The following FHAD1 variants were observed in gnomAD, a reference collection of about 807,000 sequenced individuals.
The protein encoded by FHAD1 is forkhead-associated domain-containing protein 1.
Under a neutral mutation model 191.3 loss-of-function variants are expected in FHAD1, and 146 were observed. That is an observed-to-expected ratio of 0.76 (90% CI 0.67 to 0.88). FHAD1 has a LOEUF of 0.88. FHAD1 is among the 40% of genes least tolerant of loss of function. FHAD1 has a pLI of 0.00. For missense variants in FHAD1, 1,635 were observed against 1,785.8 expected, an observed-to-expected ratio of 0.92 and a Z score of 1.52; for synonymous variants, 616 against 672.3, an observed-to-expected ratio of 0.92 and a Z score of 1.29.
chr1:15,392,123 AAC>A (rs1205827340), intron 33 of FHAD1, among the ~76,000 whole-genome samples: 2 of 152,210 alleles, frequency 1.3e-5, no homozygotes, highest in African/African-American at 4.8e-5. Context: ...TTCGCCTAAG[AAC>A]AGAGTGATCT....
chr1:15,246,282 C>T (rs538594026), upstream of FHAD1, among the ~76,000 whole-genome samples: 6 of 152,284 alleles, frequency 3.9e-5, no homozygotes, highest in East Asian at 9.6e-4. Flanking sequence ...TCTTCCAACA[C>T]GTGGGGAGTG....
downstream of FHAD1, among the ~76,000 whole-genome samples, chr1:15,398,884 G>A (rs562633113): frequency 1.8e-4 from 27 of 151,052 alleles, no homozygotes; most frequent in South Asian, 1.3e-3. Flanking sequence ...GCAATGGCGC[G>A]ATCTCTGCTC....
At chr1:15,393,059 C>CA (rs1704633280) in intron 33 of FHAD1, 1 of 144,398 alleles carries the variant, frequency 6.9e-6, no homozygotes, top group African/African-American at 2.6e-5. Context: ...CCCGAGGGGG[C>CA]AAAAATTCAT....
intron 16 of FHAD1, among the ~76,000 whole-genome samples, chr1:15,342,261 C>T (rs1687013340): frequency 6.6e-6 from 1 of 152,166 alleles, no homozygotes; most frequent in African/African-American, 2.4e-5. Flanking sequence ...CTTTTGCTTT[C>T]TCTTTATACA....
chr1:15,334,565 A>G (rs1394115470), intron 14 of FHAD1: 1 of 152,172 alleles, frequency 6.6e-6, no homozygotes, highest in Non-Finnish European at 1.5e-5. Flanking sequence ...CTGCGCCTCC[A>G]TTTACTTGCT....
chr1:15,359,099 G>A (rs1693798076), intron 21 of FHAD1, among the ~76,000 whole-genome samples: 1 of 152,108 alleles, frequency 6.6e-6, no homozygotes, highest in South Asian at 2.1e-4. Flanking sequence ...GATGGCATAG[G>A]GACGACATAA....
chr1:15,261,354 G>A (rs1650959197), intron 2 of FHAD1, among the ~76,000 whole-genome samples: 1 of 152,158 alleles, frequency 6.6e-6, no homozygotes, highest in Non-Finnish European at 1.5e-5. Flanking sequence ...TTCAGGAAAA[G>A]AGGACTTCCG....
chr1:15,303,848 CAA>C (rs765601462), intron 6 of FHAD1, among the ~76,000 whole-genome samples: 33 of 104,330 alleles, frequency 3.2e-4, no homozygotes, highest in Middle Eastern at 6.0e-3. Flanking sequence ...GACTCTGTCT[CAA>C]AAAAAAAAAA....
At chr1:15,397,132 A>G (rs1169227672) in intron 33 of FHAD1, among the ~76,000 whole-genome samples, 165 bp from the exon 34 acceptor site, 1 of 151,376 alleles carries the variant, frequency 6.6e-6, no homozygotes, top group Non-Finnish European at 1.5e-5. Context: ...CGGAGCTTGC[A>G]GTGAGCCGAG....
Position 15,369,517 on chromosome 1 carries a change from C to T in FHAD1, c.3447+15C>T, listed in dbSNP as rs1442350354. Reference sequence around the variant, plus strand: ...GCAGCCAAGAGGTGAGTGCCACCCACTCCTGGGTACTGGAAGGATGTGCAA... The same window carrying T: ...GCAGCCAAGAGGTGAGTGCCACCCATTCCTGGGTACTGGAAGGATGTGCAA... On this transcript the variant is annotated intron_variant, in intron 26 of 33. Coordinates refer to ENST00000688493, the MANE Select transcript of FHAD1 (RefSeq NM_001391957.1). The T allele has an allele frequency of 6.4e-7, 1 of 1,551,588 alleles. No individual in the cohort carries two copies. Among genetic ancestry groups the T allele is most frequent in the Non-Finnish European group, 8.7e-7 (1 of 1,146,916 alleles).
chr1:15,333,824 CTTTTTTT>C (rs55698715), intron 14 of FHAD1, among the ~76,000 whole-genome samples: 34 of 64,804 alleles, frequency 5.2e-4, no homozygotes, highest in African/African-American at 1.7e-3. Flanking sequence ...TTTTATTTAT[CTTTTTTT>C]TTTTTTTTTT....
intron 28 of FHAD1, among the ~76,000 whole-genome samples, chr1:15,377,160 G>T (rs936792375): frequency 2.0e-5 from 3 of 152,228 alleles, no homozygotes; most frequent in Non-Finnish European, 4.4e-5. Context: ...GCCGCAGCTG[G>T]ATCCACACCA....
chr1:15,356,725 A>T (rs1170126614), intron 20 of FHAD1, among the ~76,000 whole-genome samples: 1 of 152,018 alleles, frequency 6.6e-6, no homozygotes, highest in Non-Finnish European at 1.5e-5. Context: ...TACAAAAATT[A>T]GCCGGGCGTG....
At chr1:15,267,277 C>T (rs1653945686) in intron 2 of FHAD1, among the ~76,000 whole-genome samples, 1 of 152,146 alleles carries the variant, frequency 6.6e-6, no homozygotes, top group African/African-American at 2.4e-5. Flanking sequence ...AACGCCAAAT[C>T]AGTTCTTGAA....
intron 10 of FHAD1, among the ~76,000 whole-genome samples, chr1:15,319,953 T>C (rs1675720709): frequency 6.6e-6 from 1 of 152,226 alleles, no homozygotes; most frequent in Admixed American, 6.5e-5. Context: ...TTTTAAATAG[T>C]TGTAGTCATG....
Position 15,301,226 on chromosome 1 carries a change from G to A in FHAD1, c.700G>A (p.Gly234Arg). The change falls in exon 6 of 34, where the codon GGA (glycine) becomes AGA (arginine). Residue 234 changes from glycine (G) to arginine (R), a missense_variant. Physicochemically the swap from Gly to Arg is moderately radical, Grantham distance 125. Transcript: ENST00000688493. ...CCAGGATGAAATAATTCTGCTGCTGGGAAAAGAGGTCAGCCGTCTCTCAGA... is the reference window on the plus strand; with the variant it reads ...CCAGGATGAAATAATTCTGCTGCTGAGAAAAGAGGTCAGCCGTCTCTCAGA... ...QDKDEIILLL[G>R]KEVSRLSDYE... 1.3e-6 allele frequency: 2 copies of A among 1,551,652 alleles called. No individual in the cohort carries two copies. Among genetic ancestry groups the A allele is most frequent in the South Asian group, 1.2e-5 (1 of 84,052 alleles).
intron 4 of FHAD1, among the ~76,000 whole-genome samples, chr1:15,293,074 C>T (rs184500022): frequency 4.6e-4 from 70 of 152,302 alleles, no homozygotes; most frequent in African/African-American, 1.7e-3. Context: ...GGCATGAATA[C>T]AGGGACAAGA....
chr1:15,308,775 G>A lies in FHAD1; in HGVS notation c.1039+39G>A, dbSNP rs79547319. On this transcript the variant is annotated intron_variant, in intron 7 of 33. Transcript: ENST00000688493. ...GTCGGGCCTGGGAGCTGCCACTCCC[G>A]CACCCGTTGTTCTTGGCCACAGCAG... 1,675 of 1,549,828 alleles carry A rather than the reference G, an allele frequency of 1.1e-3. 22 individuals carry two copies. The African/African-American group carries it at 0.019, about 18-fold the overall frequency.
chr1:15,292,352 G>C (rs1391753072), intron 4 of FHAD1, among the ~76,000 whole-genome samples: 1 of 151,528 alleles, frequency 6.6e-6, no homozygotes, highest in African/African-American at 2.4e-5. Flanking sequence ...TTGTCTTTTT[G>C]AGACGGAGTC....
Sources: gnomAD v4.1 joint callset for allele counts (sites outside exome capture counted in the v4.1 genomes callset) on GRCh38, gnomAD v4.1.1 for gene constraint, MANE v1.5 for transcripts, NCBI Gene and HGNC (gene_info 2026-07-23, HGNC 2026-07-21) for gene names.